The following CAMSAP3 variants were observed in gnomAD, a reference collection of about 807,000 sequenced individuals.
CAMSAP3 encodes the protein calmodulin regulated spectrin associated protein family member 3.
In CAMSAP3, 34 loss-of-function variants were observed where a neutral mutation model predicts 112.5. That is an observed-to-expected ratio of 0.30 (90% CI 0.23 to 0.40). The LOEUF (loss-of-function observed/expected upper bound fraction) is 0.40. Among genes scored for constraint, CAMSAP3 ranks in the 10% least tolerant of loss-of-function variants. The pLI, the probability that CAMSAP3 is intolerant of heterozygous loss-of-function variation, is 1.00. For synonymous variants in CAMSAP3, 868 were observed against 799.8 expected, an observed-to-expected ratio of 1.09 and a Z score of -1.44; for missense variants, 1,602 against 1,770.3, an observed-to-expected ratio of 0.90 and a Z score of 1.71.
rs2030883909 is a variant in CAMSAP3, at chr19:7,617,703, G to A, written c.3444+42G>A. 1 of 1,613,152 alleles carries A rather than the reference G, an allele frequency of 6.2e-7. No individual in the cohort carries two copies. Among genetic ancestry groups the A allele is most frequent in the Admixed American group, 1.7e-5 (1 of 59,988 alleles). ...GTGGGAGTTGGGGGCTGGTGGGTGG[G>A]TGGGTGGCCTGACTTGGCCAGCTGA... On this transcript the variant is annotated intron_variant, in intron 16 of 16. Coordinates refer to ENST00000160298, the MANE Select transcript of CAMSAP3 (RefSeq NM_020902.2). This position sits in a 1 kb window ranked among gnomAD's most constrained non-coding sequence, Gnocchi z 7.5.
intron 1 of CAMSAP3, among the ~76,000 whole-genome samples, chr19:7,598,607 A>G (rs983778352): frequency 3.3e-5 from 5 of 152,128 alleles, no homozygotes; most frequent in Admixed American, 6.5e-5. Context: ...GGCCAACACG[A>G]TGAATCCCCG....
Position 7,606,472 on chromosome 19 carries a change from C to G in CAMSAP3, c.526-4C>G. On this transcript the variant is annotated splice_polypyrimidine_tract_variant and splice_region_variant and intron_variant, in intron 3 of 16. Coordinates refer to ENST00000160298, the MANE Select transcript of CAMSAP3 (RefSeq NM_020902.2). ...AGACCACTGACCCCCTCCCTGCCCTCCAGACCGTCCGGCGGCTGCAGGAGA... is the reference window on the plus strand; with the variant it reads ...AGACCACTGACCCCCTCCCTGCCCTGCAGACCGTCCGGCGGCTGCAGGAGA... 6.3e-7 allele frequency: 1 copy of G among 1,599,680 alleles called. No homozygotes were observed. The highest frequency in any genetic ancestry group is 8.5e-7 in the Non-Finnish European group (1 of 1,177,452).
Position 7,595,904 on chromosome 19 carries a change from G to GGCGGTAGCA in CAMSAP3, c.-96_-88dup, listed in dbSNP as rs1167004366. 1.0e-4 allele frequency: 56 copies of GGCGGTAGCA among 533,664 alleles called. No homozygotes were observed. Among genetic ancestry groups the GGCGGTAGCA allele is most frequent in the African/African-American group, 3.9e-4 (19 of 48,146 alleles). The allele number at this position is 533,664 out of a possible 1,614,324, so 33.1% of individuals were successfully genotyped here. On this transcript the variant is annotated 5_prime_UTR_variant, in exon 1 of 17. Transcript: ENST00000160298. ...CGGCGGCGGCGGCGGCGGCGGCAGC[G>GGCGGTAGCA]GCGGTAGCAGCAGCGGGCCCGGCTG...
intron 1 of CAMSAP3, 126 bp downstream of exon 1, chr19:7,596,276 C>T: frequency 2.7e-6 from 1 of 367,912 alleles, no homozygotes; most frequent in Non-Finnish European, 3.8e-6. Context: ...CGCCGGGGGT[C>T]CCCGGGCTCG....
intron 13 of CAMSAP3, 123 bp from the exon 14 acceptor site, chr19:7,616,400 C>A: frequency 1.4e-6 from 1 of 718,348 alleles, no homozygotes. Context: ...AGGGGTGCTG[C>A]AGAGGGCCGA....
At position 7,611,604 on chromosome 19, in the gene CAMSAP3, G is replaced by A; in HGVS notation, c.1193+18G>A. The A allele has an allele frequency of 1.2e-6, 2 of 1,610,176 alleles. No homozygotes were observed. Among genetic ancestry groups the A allele is most frequent in the South Asian group, 1.1e-5 (1 of 90,714 alleles). The stretch of plus-strand genomic sequence containing the variant: ...CAGCTCAGGTGAGTAGACCTCACAG[G>A]CCAGGGTAGGGGGTGGAGCAGGCTA... On this transcript the variant is annotated intron_variant, in intron 10 of 16. Transcript: ENST00000160298. This position sits in a 1 kb window ranked among gnomAD's most constrained non-coding sequence, Gnocchi z 6.9.
intron 2 of CAMSAP3, 107 bp downstream of exon 2, chr19:7,605,586 G>A (rs2030172294): frequency 2.4e-6 from 3 of 1,269,178 alleles, no homozygotes; most frequent in African/African-American, 3.2e-5. Flanking sequence ...ATCAGTCTTG[G>A]CTCCTTTCAA....
chr19:7,615,231 C>T lies in CAMSAP3; in HGVS notation c.2719C>T (p.Leu907=), dbSNP rs1001136273. The change falls in exon 12 of 17, where the codon CTG becomes TTG. Residue 907 remains leucine (L), a synonymous_variant. Coordinates refer to ENST00000160298, the MANE Select transcript of CAMSAP3 (RefSeq NM_020902.2). This position sits in a 1 kb window ranked among gnomAD's most constrained non-coding sequence, Gnocchi z 6.5. ...DEMAQKRASL[L]ERQQRRAEEA... is the part of the protein sequence containing the mutation. ...GATGGCCCAAAAGCGGGCCAGCCTG[C>T]TGGAGCGGCAGCAGCGGCGAGCAGA... The T allele has an allele frequency of 3.2e-6, 5 of 1,552,390 alleles. No homozygotes were observed. In the African/African-American group the frequency reaches 4.1e-5, roughly 13 times the overall value.
At chr19:7,597,496 C>A (rs188447976) in intron 1 of CAMSAP3, among the ~76,000 whole-genome samples, 22 of 152,282 alleles carry the variant, frequency 1.4e-4, no homozygotes, top group Admixed American at 2.6e-4. Context: ...CTTCTGTTTC[C>A]CCTTCTATAA....
At chr19:7,616,934 CTTTTTT>C (rs545769780) in intron 14 of CAMSAP3, among the ~76,000 whole-genome samples, 4 of 83,028 alleles carry the variant, frequency 4.8e-5, no homozygotes, top group Non-Finnish European at 6.3e-5. Flanking sequence ...TGTGGCCCGC[CTTTTTT>C]TTTTTTTTTT....
chr19:7,596,215 GC>G, intron 1 of CAMSAP3, 65 bp downstream of exon 1: 2 of 351,256 alleles, frequency 5.7e-6, no homozygotes, highest in African/African-American at 2.1e-5. Flanking sequence ...CTGGGGGGGG[GC>G]GGGGCGCCGG....
chr19:7,610,999 C>G lies in CAMSAP3; in HGVS notation c.1049+68C>G. ...GGGGCTCCATGTCTGCCTTGCTGAG[C>G]ACTGGGACGCAGCTGGGTGATGCTG... On this transcript the variant is annotated intron_variant, in intron 8 of 16. Transcript: ENST00000160298. The surrounding 1 kb of genome is among the most constrained non-coding windows in gnomAD (Gnocchi z 4.9). The G allele has an allele frequency of 6.3e-7, 1 of 1,581,808 alleles. No homozygotes were observed.
chr19:7,605,147 GGT>G (rs56244737), intron 1 of CAMSAP3, 77 bp from the exon 2 acceptor site: 26,437 of 597,320 alleles, frequency 0.044, no homozygotes, highest in South Asian at 0.092. Context: ...CGGGCCATGT[GGT>G]GTGTGTGTGT....
At chr19:7,599,484 A>G (rs1172539480) in intron 1 of CAMSAP3, among the ~76,000 whole-genome samples, 1 of 40,370 alleles carries the variant, frequency 2.5e-5, no homozygotes, top group Non-Finnish European at 4.5e-5. Flanking sequence ...CCACTCATCC[A>G]TCCACCCACG....
In CAMSAP3 at chr19:7,612,588, T is replaced by C. The variant is rs1404927861; in HGVS notation, c.2095T>C (p.Tyr699His). 3 of 1,533,404 alleles carry C rather than the reference T, an allele frequency of 2.0e-6. No individual in the cohort carries two copies. The highest frequency in any genetic ancestry group is 2.6e-6 in the Non-Finnish European group (3 of 1,144,654). The allele number at this position is 1,533,404 out of a possible 1,614,324, so 95.0% of individuals were successfully genotyped here. The change falls in exon 11 of 17, where the codon TAC becomes CAC. Residue 699 changes from tyrosine to histidine, a missense_variant. Tyr to His is a moderately conservative substitution (Grantham distance 83). Coordinates refer to ENST00000160298, the MANE Select transcript of CAMSAP3 (RefSeq NM_020902.2). ...GGTGCCCCACGAGGGGCTGGGGGAA[T>C]ACAATCGAGCGGTCAGCAAGCTGAG... ...GPVPHEGLGE[Y>H]NRAVSKLSAA...
At chr19:7,602,800 G>A (rs2146159287) in intron 1 of CAMSAP3, among the ~76,000 whole-genome samples, 1 of 152,136 alleles carries the variant, frequency 6.6e-6, no homozygotes, top group East Asian at 1.9e-4. Context: ...AAGGTTTCTG[G>A]AAGAAGGAGG....
chr19:7,606,818 G>C, intron 4 of CAMSAP3: 10 of 1,613,736 alleles, frequency 6.2e-6, no homozygotes, highest in Non-Finnish European at 6.8e-6. Context: ...CTGTAAGTGG[G>C]GCTGTCTGTC....
In CAMSAP3 at chr19:7,615,212, C is replaced by T. The variant is rs1235710357; in HGVS notation, c.2700C>T (p.Ala900=). Residue 900 remains alanine (A), a synonymous_variant, in exon 12 of 17, where the codon GCC becomes GCT. Transcript: ENST00000160298. This position sits in a 1 kb window ranked among gnomAD's most constrained non-coding sequence, Gnocchi z 6.5. ...KDEDKPEDEM[A]QKRASLLERQ... The stretch of plus-strand genomic sequence containing the variant: ...AAGACAAGCCTGAGGACGAGATGGC[C>T]CAAAAGCGGGCCAGCCTGCTGGAGC... The T allele has an allele frequency of 1.3e-6, 2 of 1,553,186 alleles. No homozygotes were observed. The highest frequency in any genetic ancestry group is 1.7e-6 in the Non-Finnish European group (2 of 1,148,608).
chr19:7,610,961 G>T lies in CAMSAP3; in HGVS notation c.1049+30G>T. 1 of 1,575,664 alleles carries T rather than the reference G, an allele frequency of 6.3e-7. No homozygotes were observed. Among genetic ancestry groups the T allele is most frequent in the Non-Finnish European group, 8.6e-7 (1 of 1,156,852 alleles). Reference sequence around the variant, plus strand: ...GCTCCCCACACTGGGCGAGTCTCTGGCATTGTGGGTGTGGGGCTCCATGTC... The same window carrying T: ...GCTCCCCACACTGGGCGAGTCTCTGTCATTGTGGGTGTGGGGCTCCATGTC... On this transcript the variant is annotated intron_variant, in intron 8 of 16. Coordinates refer to ENST00000160298, the MANE Select transcript of CAMSAP3 (RefSeq NM_020902.2). The surrounding 1 kb of genome is among the most constrained non-coding windows in gnomAD (Gnocchi z 4.9).
Sources: allele counts gnomAD v4.1 joint callset (sites outside exome capture counted in the v4.1 genomes callset), GRCh38; gene constraint gnomAD v4.1.1; non-coding constraint Gnocchi (gnomAD v3.1); transcripts MANE v1.5; gene names NCBI Gene and HGNC (gene_info 2026-07-23, HGNC 2026-07-21).